Variants in DCTN1 observed in about 807,000 individuals in gnomAD.
DCTN1 encodes 150 kDa dynein-associated polypeptide.
DCTN1 carries 61 observed loss-of-function variants against 161.2 expected under a neutral mutation model. That is an observed-to-expected ratio of 0.38 (90% CI 0.31 to 0.47). DCTN1 has a LOEUF of 0.47. DCTN1 is among the 20% of genes least tolerant of loss of function. The pLI is 0.99. For missense variants in DCTN1, 1,404 were observed against 1,623.7 expected (o/e 0.86, Z 2.33); for synonymous variants, 653 against 632.4 (o/e 1.03, Z -0.49).
At position 74,362,903 on chromosome 2, in the gene DCTN1, T is replaced by A. The variant is rs76941611; in HGVS notation, c.3529+91A>T. The A allele has an allele frequency of 4.2e-4, 611 of 1,461,502 alleles. 7 individuals carry two copies. In the African/African-American group the frequency reaches 7.6e-3, roughly 18 times the overall value. The allele number at this position is 1,461,502 out of a possible 1,614,324, so 90.5% of individuals were successfully genotyped here. ...AAAGAACACTGCTGGGAAGAGCTTC[T>A]GTGGTGGGGGAACCACCTGAGCAGG... On this transcript the variant is annotated intron_variant, in intron 29 of 31. Coordinates refer to ENST00000628224, the MANE Select transcript of DCTN1 (RefSeq NM_004082.5).
rs575593539 is a variant in DCTN1 at position 74,366,293 on chromosome 2, G to A, written c.2711C>T (p.Ala904Val). 4 of 1,614,216 alleles carry A rather than the reference G, an allele frequency of 2.5e-6. No individual in the cohort carries two copies. The East Asian group carries it at 6.7e-5, about 27-fold the overall frequency. The part of the protein sequence containing the change: ...NILISTMNKL[A>V]TAMQEGEYDA... The stretch of plus-strand genomic sequence containing the variant: ...ATACTCCCCCTCCTGCATGGCTGTG[G>A]CCAGCTTGTTCATGGTACTGATGAG... The change falls in exon 23 of 32, where the codon GCC becomes GTC. Residue 904 changes from alanine to valine, a missense_variant. Physicochemically the swap from Ala to Val is moderately conservative, Grantham distance 64. This residue lies in a region of DCTN1 where 475 missense variants were observed against 489.8 expected (regional missense o/e 0.97). Transcript: ENST00000628224.
In DCTN1 at chr2:74,374,811, C is replaced by T. The variant is rs1221863933; in HGVS notation, c.415-471G>A. ...CATGACAGTCATGCGCAGAGCTTGT[C>T]CTGCTTCTTTCTCCAAAGAACAGGT... On this transcript the variant is annotated intron_variant, in intron 5 of 31. Transcript: ENST00000628224. 3 of 967,570 alleles carry T rather than the reference C, an allele frequency of 3.1e-6. No individual in the cohort carries two copies. In the African/African-American group the frequency reaches 5.2e-5, roughly 17 times the overall value. 59.9% of individuals were successfully genotyped at this position (967,570 alleles called of 1,614,324 possible).
chr2:74,371,784 G>A lies in DCTN1; in HGVS notation c.454-56C>T. 2.8e-6 allele frequency: 4 copies of A among 1,420,086 alleles called. No homozygotes were observed. In the African/African-American group the frequency reaches 4.2e-5, roughly 15 times the overall value. The allele number at this position is 1,420,086 out of a possible 1,614,324, so 88.0% of individuals were successfully genotyped here. On this transcript the variant is annotated intron_variant, in intron 7 of 31. Transcript: ENST00000628224. ...AGAAAGCAGAGGATAGGGGTAGTAA[G>A]AGGAACAGAAACAGAATATGAGAAT...
upstream of DCTN1, among the ~76,000 whole-genome samples, chr2:74,383,192 G>T (rs1675590269): frequency 6.6e-6 from 1 of 152,230 alleles, no homozygotes; most frequent in Non-Finnish European, 1.5e-5. Context: ...AACTTTGCTT[G>T]ACTAGCGAAT....
intron 16 of DCTN1, chr2:74,368,455 A>G: frequency 3.2e-6 from 2 of 618,360 alleles, no homozygotes; most frequent in South Asian, 3.9e-5. Context: ...GTTAACCCCT[A>G]GGCACCTCCT....
intron 5 of DCTN1, among the ~76,000 whole-genome samples, chr2:74,375,149 T>TA (rs1181685335): frequency 6.6e-6 from 1 of 152,164 alleles, no homozygotes; most frequent in Non-Finnish European, 1.5e-5. Flanking sequence ...ACACAGTGAC[T>TA]ACGAAACCCT....
chr2:74,363,609 T>C lies in DCTN1; in HGVS notation c.3211+5A>G, dbSNP rs1674186640. 2 of 1,613,704 alleles carry C rather than the reference T, an allele frequency of 1.2e-6. No homozygotes were observed. Among genetic ancestry groups the C allele is most frequent in the Middle Eastern group, 1.7e-4 (1 of 6,054 alleles). ...TGGTAACCCCCGGCCAGAGTGGGTC[T>C]CTACCTCGCTGCTGTTCTTCTGTGC... On this transcript the variant is annotated splice_donor_5th_base_variant and intron_variant, in intron 27 of 31. Coordinates refer to ENST00000628224, the MANE Select transcript of DCTN1 (RefSeq NM_004082.5).
chr2:74,369,581 T>G lies in DCTN1; in HGVS notation c.1393-90A>C. ...CCTGTAATCCCAGCACTTTGGGAGG[T>G]CAAAGCAGGCGGATCATGAGGTCGA... On this transcript the variant is annotated intron_variant, in intron 13 of 31. Transcript: ENST00000628224. This position sits in a 1 kb window ranked among gnomAD's most constrained non-coding sequence, Gnocchi z 4.9. 1 of 1,319,022 alleles carries G rather than the reference T, an allele frequency of 7.6e-7. No homozygotes were observed. The highest frequency in any genetic ancestry group is 1.1e-6 in the Non-Finnish European group (1 of 924,982). The allele number at this position is 1,319,022 out of a possible 1,614,324, so 81.7% of individuals were successfully genotyped here.
rs751234822 is a variant in DCTN1, at chr2:74,371,746, A to C, written c.454-18T>G. ...CGCGTGGGCTATTCAGAAAGGGTAG[A>C]GGCAGACCAGAAAGAAAGCAGAGGA... On this transcript the variant is annotated intron_variant, in intron 7 of 31. Transcript: ENST00000628224. 4 of 1,601,952 alleles carry C rather than the reference A, an allele frequency of 2.5e-6. No individual in the cohort carries two copies. The highest frequency in any genetic ancestry group is 8.5e-7 in the Non-Finnish European group (1 of 1,175,164).
chr2:74,366,642 G>A (rs1351442393), intron 21 of DCTN1, 22 bp from the exon 22 acceptor site: 8 of 1,612,810 alleles, frequency 5.0e-6, no homozygotes, highest in Non-Finnish European at 6.8e-6. Context: ...GCCAGAGTCA[G>A]GAGTCAACCC....
At chr2:74,373,940 G>A (rs1347813792) in intron 6 of DCTN1, among the ~76,000 whole-genome samples, 1 of 152,192 alleles carries the variant, frequency 6.6e-6, no homozygotes, top group African/African-American at 2.4e-5. Flanking sequence ...GAACAACCAA[G>A]AGGTATTCTA....
intron 29 of DCTN1, 107 bp from the exon 30 acceptor site, chr2:74,362,836 T>A: frequency 7.7e-7 from 1 of 1,297,250 alleles, no homozygotes; most frequent in Non-Finnish European, 1.1e-6. Context: ...AACAAGTACT[T>A]GAGAGAGAGT....
chr2:74,382,464 G>A (rs1476891012), upstream of DCTN1, among the ~76,000 whole-genome samples: 1 of 151,900 alleles, frequency 6.6e-6, no homozygotes, highest in Non-Finnish European at 1.5e-5. Flanking sequence ...GCTGGGTGTG[G>A]TGGCGCATAC....
chr2:74,380,345 T>C, upstream of DCTN1: 1 of 537,638 alleles, frequency 1.9e-6, no homozygotes, highest in South Asian at 1.8e-5. Flanking sequence ...TCAGGAACCG[T>C]GCTAGCCTCT....
At chr2:74,377,889 CCCAA>C in intron 2 of DCTN1, 107 bp downstream of exon 2, 1 of 1,533,362 alleles carries the variant, frequency 6.5e-7, no homozygotes, top group Non-Finnish European at 9.0e-7. Context: ...CTTCCACTCT[CCCAA>C]CCAGAGGCTT....
At position 74,366,017 on chromosome 2, in the gene DCTN1, G is replaced by A. The variant is rs550554047; in HGVS notation, c.2762C>T (p.Pro921Leu). 5 of 1,614,262 alleles carry A rather than the reference G, an allele frequency of 3.1e-6. No homozygotes were observed. The highest frequency in any genetic ancestry group is 2.2e-5 in the East Asian group (1 of 44,888). ...AGCAGCCCGCAGTTCAACCGGTGGA[G>A]GCTAAGGAATGGTCGGTAGGGGGTG... ...EYDAERPPSK[P>L]PPVELRAAAL... Residue 921 changes from proline to leucine, a missense_variant and splice_region_variant, in exon 24 of 32, where the codon CCT (proline) becomes CTT (leucine). Pro to Leu is a moderately conservative substitution (Grantham distance 98). Transcript: ENST00000628224.
intron 1 of DCTN1, among the ~76,000 whole-genome samples, chr2:74,390,296 T>C (rs1675934880): frequency 1.3e-5 from 2 of 152,242 alleles, no homozygotes; most frequent in South Asian, 4.1e-4. Context: ...AACACTTCTT[T>C]CCTGTTTGAT....
rs1674654923 is a variant in DCTN1, at chr2:74,369,288, G to A, written c.1584+12C>T. ...GGTGATGGTGGGCAGAGAGCAAACAGTGGGCATGTACCTGTAGATGGGCGG... is the reference window on the plus strand; with the variant it reads ...GGTGATGGTGGGCAGAGAGCAAACAATGGGCATGTACCTGTAGATGGGCGG... On this transcript the variant is annotated intron_variant, in intron 14 of 31. Transcript: ENST00000628224. This position sits in a 1 kb window ranked among gnomAD's most constrained non-coding sequence, Gnocchi z 4.9. 1 of 1,614,206 alleles carries A rather than the reference G, an allele frequency of 6.2e-7. No individual in the cohort carries two copies. Among genetic ancestry groups the A allele is most frequent in the Non-Finnish European group, 8.5e-7 (1 of 1,180,038 alleles).
chr2:74,368,974 C>T (rs543439371), intron 15 of DCTN1, 94 bp from the exon 16 acceptor site: 3 of 1,573,900 alleles, frequency 1.9e-6, no homozygotes, highest in South Asian at 2.2e-5. Flanking sequence ...GCTTCTAGGG[C>T]AAGCCCAGGC....
Sources: gnomAD v4.1 joint callset for allele counts (sites outside exome capture counted in the v4.1 genomes callset) on GRCh38, gnomAD v4.1.1 for gene constraint, gnomAD v4.1.1 regional missense constraint, Gnocchi (gnomAD v3.1) non-coding constraint, MANE v1.5 for transcripts, NCBI Gene and HGNC (gene_info 2026-07-23, HGNC 2026-07-21) for gene names.